Variants in SPOCK3 observed in about 807,000 individuals in gnomAD.
SPOCK3 encodes the protein testican-3.
Under a neutral mutation model 56.6 loss-of-function variants are expected in SPOCK3, and 30 were observed. The observed-to-expected ratio is 0.53, with a 90% CI of 0.40 to 0.72. SPOCK3 has a LOEUF of 0.72. Ranked by LOEUF, SPOCK3 falls within the 30% of genes least tolerant of loss-of-function variation. SPOCK3 has a pLI of 0.00. For missense variants in SPOCK3, 527 were observed against 530.0 expected (o/e 0.99, Z 0.06); for synonymous variants, 196 against 183.3 (o/e 1.07, Z -0.56).
At chr4:167,033,948 A>T (rs1434093085) in intron 3 of SPOCK3, among the ~76,000 whole-genome samples, 1 of 152,110 alleles carries the variant, frequency 6.6e-6, no homozygotes, top group African/African-American at 2.4e-5. Context: ...TTTACTAAGC[A>T]AATTAGCAAA....
rs572782090 is a variant in SPOCK3, at chr4:167,049,344, T to C, written c.235+13148A>G. ...TCAAATTCTTTAGGATATTTGCTTCTCCACAAAACAAAGTATACTGTCTAA... is the reference window on the plus strand; with the variant it reads ...TCAAATTCTTTAGGATATTTGCTTCCCCACAAAACAAAGTATACTGTCTAA... On this transcript the variant is annotated intron_variant, in intron 3 of 10. Coordinates refer to ENST00000357545, the MANE Select transcript of SPOCK3 (RefSeq NM_001040159.2). 3.3e-5 allele frequency among the ~76,000 whole-genome samples: 5 copies of C among 152,308 alleles called. No homozygotes were observed. In the South Asian group the frequency reaches 1.0e-3, roughly 32 times the overall value.
intron 4 of SPOCK3, among the ~76,000 whole-genome samples, chr4:166,956,311 C>A (rs1459969833): frequency 6.6e-6 from 1 of 151,892 alleles, no homozygotes; most frequent in Non-Finnish European, 1.5e-5. Flanking sequence ...AGATAAACAA[C>A]AATAATTAAA....
chr4:166,829,570 CT>C (rs1477434245), intron 6 of SPOCK3, among the ~76,000 whole-genome samples: 1 of 152,022 alleles, frequency 6.6e-6, no homozygotes, highest in Non-Finnish European at 1.5e-5. Context: ...TTGGAAAGAT[CT>C]TTTAACTTAC....
At chr4:167,222,885 A>G (rs1281595664) in intron 2 of SPOCK3, among the ~76,000 whole-genome samples, 4 of 128,364 alleles carry the variant, frequency 3.1e-5, no homozygotes, top group East Asian at 2.3e-4. Context: ...ATATTGATAT[A>G]TGAATATATA....
intron 8 of SPOCK3, among the ~76,000 whole-genome samples, chr4:166,744,154 C>T (rs529214919): frequency 2.6e-5 from 4 of 152,308 alleles, no homozygotes; most frequent in South Asian, 4.1e-4. Context: ...CAGACTGCCT[C>T]CTCAAGTGGG....
chr4:167,098,126 C>T (rs1343979656), intron 2 of SPOCK3, among the ~76,000 whole-genome samples: 3 of 151,904 alleles, frequency 2.0e-5, no homozygotes, highest in East Asian at 3.9e-4. Flanking sequence ...ACCTGTGACG[C>T]AACTCTTATA....
chr4:166,959,236 A>G (rs1220111906), intron 4 of SPOCK3, among the ~76,000 whole-genome samples: 1 of 152,178 alleles, frequency 6.6e-6, no homozygotes, highest in African/African-American at 2.4e-5. Context: ...TGTAAGTTAG[A>G]AAATACAGCC....
chr4:166,768,570 G>T (rs1738464942), intron 7 of SPOCK3, among the ~76,000 whole-genome samples: 1 of 152,014 alleles, frequency 6.6e-6, no homozygotes, highest in African/African-American at 2.4e-5. Context: ...TTAGTCTGAT[G>T]GGTTTCCCTT....
chr4:166,939,547 T>C (rs1341389928), intron 4 of SPOCK3, among the ~76,000 whole-genome samples: 1 of 152,210 alleles, frequency 6.6e-6, no homozygotes. Context: ...CATAGTTCTA[T>C]GCAGGAAATG....
intron 9 of SPOCK3, among the ~76,000 whole-genome samples, chr4:166,738,522 GGTTA>G (rs1275145393): frequency 8.7e-5 from 13 of 149,810 alleles, no homozygotes; most frequent in Admixed American, 8.7e-4. Context: ...ACAATGTGCA[GGTTA>G]GTTACATATG....
chr4:166,898,798 G>C (rs1735689306), intron 5 of SPOCK3, among the ~76,000 whole-genome samples: 1 of 152,124 alleles, frequency 6.6e-6, no homozygotes, highest in South Asian at 2.1e-4. Context: ...TTCATACAAT[G>C]GTTAATTTCA....
At chr4:166,772,043 A>C (rs1738996826) in intron 7 of SPOCK3, among the ~76,000 whole-genome samples, 1 of 152,076 alleles carries the variant, frequency 6.6e-6, no homozygotes, top group African/African-American at 2.4e-5. Flanking sequence ...ATTTTGAAGA[A>C]AATCACGGAA....
At chr4:167,071,024 A>G (rs1481576397) in intron 2 of SPOCK3, among the ~76,000 whole-genome samples, 2 of 151,930 alleles carry the variant, frequency 1.3e-5, no homozygotes, top group African/African-American at 2.4e-5. Flanking sequence ...ACCACAGATT[A>G]AAAACATAAA....
At chr4:167,058,932 A>C (rs1301176391) in intron 3 of SPOCK3, among the ~76,000 whole-genome samples, 1 of 152,216 alleles carries the variant, frequency 6.6e-6, no homozygotes, top group Admixed American at 6.5e-5. Context: ...TGGTGCTGGG[A>C]AAACTGGCCA....
intron 4 of SPOCK3, among the ~76,000 whole-genome samples, chr4:166,996,210 A>T (rs1045715857): frequency 6.6e-6 from 1 of 152,016 alleles, no homozygotes; most frequent in Non-Finnish European, 1.5e-5. Context: ...TTAATCCTTC[A>T]GTGTAAATGA....
intron 6 of SPOCK3, among the ~76,000 whole-genome samples, chr4:166,817,266 G>A (rs1744471969): frequency 6.6e-6 from 1 of 152,170 alleles, no homozygotes; most frequent in Non-Finnish European, 1.5e-5. Context: ...GTAATGGGCT[G>A]TAGACAAACC....
chr4:166,835,622 C>T (rs998159534), intron 6 of SPOCK3, among the ~76,000 whole-genome samples: 4 of 152,138 alleles, frequency 2.6e-5, no homozygotes, highest in African/African-American at 4.8e-5. Context: ...GTGGGCTATA[C>T]GTTTGTGGGT....
chr4:167,117,858 C>G (rs774887640), intron 2 of SPOCK3, among the ~76,000 whole-genome samples: 13 of 152,098 alleles, frequency 8.5e-5, no homozygotes, highest in Non-Finnish European at 1.9e-4. Context: ...GACTAAAATG[C>G]AACAAAGCTT....
intron 3 of SPOCK3, among the ~76,000 whole-genome samples, chr4:167,021,797 C>A (rs1188422765): frequency 6.6e-6 from 1 of 151,960 alleles, no homozygotes; most frequent in African/African-American, 2.4e-5. Flanking sequence ...CACAAATGAA[C>A]CCACGGAGTT....
Sources: allele counts gnomAD v4.1 joint callset (sites outside exome capture counted in the v4.1 genomes callset), GRCh38; gene constraint gnomAD v4.1.1; transcripts MANE v1.5; gene names NCBI Gene and HGNC (gene_info 2026-07-23, HGNC 2026-07-21).